The following MAN1C1 variants were observed in gnomAD, a reference collection of about 807,000 sequenced individuals.
MAN1C1 encodes mannosidase alpha class 1C member 1, also known as mannosyl-oligosaccharide 1,2-alpha-mannosidase IC.
In MAN1C1, 49 loss-of-function variants were observed where a neutral mutation model predicts 71.5. That is an observed-to-expected ratio of 0.69 (90% CI 0.54 to 0.87). MAN1C1 has a LOEUF of 0.87. Ranked by LOEUF, MAN1C1 falls within the 40% of genes least tolerant of loss-of-function variation. The pLI is 0.00. For synonymous variants in MAN1C1, 352 were observed against 343.7 expected, an observed-to-expected ratio of 1.02 and a Z score of -0.27; for missense variants, 743 against 835.0, an observed-to-expected ratio of 0.89 and a Z score of 1.36.
intron 1 of MAN1C1, among the ~76,000 whole-genome samples, chr1:25,627,996 A>C (rs984114998): frequency 6.6e-6 from 1 of 152,146 alleles, no homozygotes; most frequent in African/African-American, 2.4e-5. Flanking sequence ...GCAGTGAGCC[A>C]TGATTGCAAC....
chr1:25,654,723 T>A (rs2045739462), intron 1 of MAN1C1, among the ~76,000 whole-genome samples: 3 of 152,106 alleles, frequency 2.0e-5, no homozygotes, highest in Admixed American at 2.0e-4. Flanking sequence ...CTTGGCTCAC[T>A]GCAACCTCCG....
At position 25,742,731 on chromosome 1, in the gene MAN1C1, G is replaced by T. The variant is rs139446645; in HGVS notation, c.638-3937G>T. Among the ~76,000 whole-genome samples, 5 of 152,322 alleles carry T rather than the reference G, an allele frequency of 3.3e-5. No homozygotes were observed. The East Asian group carries it at 9.6e-4, about 29-fold the overall frequency. ...GAGGCACAAAGAGGTAGAATGGCTT[G>T]CCCTATTGCACAGCTAGGGTATAAG... is the stretch of plus-strand genomic sequence containing the variant. On this transcript the variant is annotated intron_variant, in intron 2 of 11. Coordinates refer to ENST00000374332, the MANE Select transcript of MAN1C1 (RefSeq NM_020379.4).
At chr1:25,685,080 G>A (rs865792001) in intron 1 of MAN1C1, among the ~76,000 whole-genome samples, 2 of 152,350 alleles carry the variant, frequency 1.3e-5, no homozygotes, top group African/African-American at 4.8e-5. Flanking sequence ...TGGAGAGCCA[G>A]TATTTTAAAG....
chr1:25,758,649 C>A lies in MAN1C1; in HGVS notation c.987C>A (p.Ser329=), dbSNP rs766545171. 1 of 1,614,172 alleles carries A rather than the reference C, an allele frequency of 6.2e-7. No individual in the cohort carries two copies. Among genetic ancestry groups the A allele is most frequent in the Non-Finnish European group, 8.5e-7 (1 of 1,180,028 alleles). ...GCAGCATCTTGGCGGAGTTTGGATCCCTGCACTTGGAATTCTTACACCTCA... is the reference window on the plus strand; with the variant it reads ...GCAGCATCTTGGCGGAGTTTGGATCACTGCACTTGGAATTCTTACACCTCA... ...GSSSILAEFG[S]LHLEFLHLTE... The change falls in exon 6 of 12, where the codon TCC becomes TCA. Residue 329 remains serine, a synonymous_variant. Transcript: ENST00000374332.
At position 25,779,561 on chromosome 1, in the gene MAN1C1, A is replaced by G. The variant is rs766173408; in HGVS notation, c.1477+1237A>G. Among the ~76,000 whole-genome samples, 18 of 152,236 alleles carry G rather than the reference A, an allele frequency of 1.2e-4. No individual in the cohort carries two copies. The highest frequency in any genetic ancestry group is 4.1e-4 in the African/African-American group (17 of 41,462). ...TCTCAGGACTAATAAAAGGCTCGCT[A>G]TTTGTCTGAGACAATCAGCCCAGAC... On this transcript the variant is annotated intron_variant, in intron 9 of 11. Transcript: ENST00000374332. The surrounding 1 kb of genome is among the most constrained non-coding windows in gnomAD (Gnocchi z 4.6).
intron 1 of MAN1C1, among the ~76,000 whole-genome samples, chr1:25,621,311 G>A (rs1281990290): frequency 6.6e-6 from 1 of 152,200 alleles, no homozygotes; most frequent in Admixed American, 6.5e-5. Context: ...TCCAAGAATA[G>A]ATATTCAGGC....
intron 1 of MAN1C1, among the ~76,000 whole-genome samples, chr1:25,682,430 G>A (rs1483945665): frequency 6.6e-6 from 1 of 152,216 alleles, no homozygotes; most frequent in Non-Finnish European, 1.5e-5. Flanking sequence ...GGTGACCAGA[G>A]CGACTGTGCA....
rs1244382691 is a variant in MAN1C1, at chr1:25,720,238, G to C, written c.638-26430G>C. On this transcript the variant is annotated intron_variant, in intron 2 of 11. Coordinates refer to ENST00000374332, the MANE Select transcript of MAN1C1 (RefSeq NM_020379.4). ...TTTTCTTAATTTTTTTCAAGACAAA[G>C]TCTCACTCTGTTGCCCAGGCTGGAG... Among the ~76,000 whole-genome samples the C allele has an allele frequency of 2.7e-5, 4 of 148,828 alleles. No homozygotes were observed. In the Admixed American group the frequency reaches 2.7e-4, roughly 10 times the overall value.
intron 6 of MAN1C1, chr1:25,763,601 G>A: frequency 7.4e-6 from 3 of 406,966 alleles, no homozygotes. Flanking sequence ...GCCAGGCAGT[G>A]GTTCTGGGGT....
chr1:25,728,359 G>C (rs1557782011), intron 2 of MAN1C1, among the ~76,000 whole-genome samples: 1 of 152,306 alleles, frequency 6.6e-6, no homozygotes, highest in East Asian at 1.9e-4. Context: ...TGCTTGCAAA[G>C]CACTCACACT....
chr1:25,778,255 AAG>A lies in MAN1C1; in HGVS notation c.1411_1412del (p.Arg471GlyfsTer28). 1.2e-6 allele frequency: 2 copies of A among 1,614,032 alleles called. No homozygotes were observed. The highest frequency in any genetic ancestry group is 1.7e-6 in the Non-Finnish European group (2 of 1,179,958). ...ALGAEDAKEE[K>X]RAHYRELAAQ... Reference sequence around the variant, plus strand: ...TGGCGCCGAGGATGCCAAGGAAGAAAAGAGGGCCCACTACCGAGAGCTCGCAG... The same window carrying A: ...TGGCGCCGAGGATGCCAAGGAAGAAAAGGGCCCACTACCGAGAGCTCGCAG... On this transcript the variant is annotated frameshift_variant, in exon 9 of 12. Coordinates refer to ENST00000374332, the MANE Select transcript of MAN1C1 (RefSeq NM_020379.4). LOFTEE classifies it high-confidence loss of function. This position sits in a 1 kb window ranked among gnomAD's most constrained non-coding sequence, Gnocchi z 5.5.
chr1:25,637,259 A>T (rs1572110519), intron 1 of MAN1C1, among the ~76,000 whole-genome samples: 1 of 152,298 alleles, frequency 6.6e-6, no homozygotes, highest in East Asian at 1.9e-4. Flanking sequence ...CCATTTAAAA[A>T]TTTTATTAAT....
intron 1 of MAN1C1, among the ~76,000 whole-genome samples, 164 bp downstream of exon 1, chr1:25,618,501 C>T (rs2045151599): frequency 6.6e-6 from 1 of 152,120 alleles, no homozygotes; most frequent in African/African-American, 2.4e-5. Flanking sequence ...TCCCAAATGT[C>T]CCACCTTCTT....
At chr1:25,652,109 G>A (rs1378682210) in intron 1 of MAN1C1, among the ~76,000 whole-genome samples, 1 of 152,206 alleles carries the variant, frequency 6.6e-6, no homozygotes, top group Non-Finnish European at 1.5e-5. Flanking sequence ...CTAAAAGTCT[G>A]ACCCCAAGGC....
intron 7 of MAN1C1, among the ~76,000 whole-genome samples, chr1:25,765,962 G>A (rs1321709664): frequency 6.6e-6 from 1 of 152,224 alleles, no homozygotes; most frequent in Non-Finnish European, 1.5e-5. Flanking sequence ...CACGGGAAGA[G>A]GCAGTTCGAT....
chr1:25,617,971 C>T lies in MAN1C1; in HGVS notation c.174C>T (p.Thr58=), dbSNP rs764882320. The change falls in exon 1 of 12, where the codon ACC becomes ACT. Residue 58 remains threonine (T), a synonymous_variant. Transcript: ENST00000374332. This position sits in a 1 kb window ranked among gnomAD's most constrained non-coding sequence, Gnocchi z 5.1. The part of the protein sequence containing the change: ...RLKRLFLAPR[T]QQPGLEVVAE... Reference sequence around the variant, plus strand: ...AGCGCCTCTTCCTGGCCCCCCGGACCCAGCAGCCTGGTCTGGAAGTGGTGG... The same window carrying T: ...AGCGCCTCTTCCTGGCCCCCCGGACTCAGCAGCCTGGTCTGGAAGTGGTGG... 7.5e-6 allele frequency: 12 copies of T among 1,608,328 alleles called. No individual in the cohort carries two copies. Among genetic ancestry groups the T allele is most frequent in the Non-Finnish European group, 1.0e-5 (12 of 1,178,046 alleles).
intron 1 of MAN1C1, among the ~76,000 whole-genome samples, chr1:25,663,458 C>T (rs1246987689): frequency 6.6e-6 from 1 of 152,126 alleles, no homozygotes; most frequent in African/African-American, 2.4e-5. Flanking sequence ...AAATTAGGCA[C>T]AGTAACAGAT....
At position 25,776,610 on chromosome 1, in the gene MAN1C1, C is replaced by G. The variant is rs1355816889; in HGVS notation, c.1258-1495C>G. Among the ~76,000 whole-genome samples the G allele has an allele frequency of 1.3e-5, 2 of 152,184 alleles. No individual in the cohort carries two copies. Among genetic ancestry groups the G allele is most frequent in the Non-Finnish European group, 2.9e-5 (2 of 68,030 alleles). On this transcript the variant is annotated intron_variant, in intron 8 of 11. Coordinates refer to ENST00000374332, the MANE Select transcript of MAN1C1 (RefSeq NM_020379.4). The surrounding 1 kb of genome is among the most constrained non-coding windows in gnomAD (Gnocchi z 4.3). ...TTGGTTTTGTTGGGAATTCTCTGCA[C>G]TAATGGGTGAGCTCCCTGAGGCAGA... is the stretch of plus-strand genomic sequence containing the variant.
In MAN1C1 at chr1:25,735,291, G is replaced by A. The variant is rs1172449582; in HGVS notation, c.638-11377G>A. 5.3e-5 allele frequency among the ~76,000 whole-genome samples: 8 copies of A among 152,154 alleles called. No individual in the cohort carries two copies. Among genetic ancestry groups the A allele is most frequent in the Non-Finnish European group, 1.2e-4 (8 of 68,026 alleles). ...AAATTAGCCGGGCATGCTGACGCAT[G>A]CCTGTAATCCCAGCTACTTGGGAGG... On this transcript the variant is annotated intron_variant, in intron 2 of 11. Coordinates refer to ENST00000374332, the MANE Select transcript of MAN1C1 (RefSeq NM_020379.4). This position sits in a 1 kb window ranked among gnomAD's most constrained non-coding sequence, Gnocchi z 4.6.
Sources: gnomAD v4.1 joint callset for allele counts (sites outside exome capture counted in the v4.1 genomes callset) on GRCh38, gnomAD v4.1.1 for gene constraint, Gnocchi (gnomAD v3.1) non-coding constraint, MANE v1.5 for transcripts, NCBI Gene and HGNC (gene_info 2026-07-23, HGNC 2026-07-21) for gene names.